UQCRC2: variants seen among roughly 807,000 people sequenced by gnomAD.
UQCRC2 encodes the protein cytochrome b-c1 complex subunit 2, mitochondrial.
A neutral mutation model predicts 55.6 loss-of-function variants in UQCRC2; 49 were observed. That is an observed-to-expected ratio of 0.88 (90% CI 0.70 to 1.12). The LOEUF (loss-of-function observed/expected upper bound fraction) is 1.12, where lower values mean the gene tolerates loss of function less well. Ranked by LOEUF, UQCRC2 falls within the 50% of genes most tolerant of loss-of-function variation. UQCRC2 has a pLI of 0.00. For synonymous variants in UQCRC2, 193 were observed against 192.0 expected, an observed-to-expected ratio of 1.01 and a Z score of -0.04; for missense variants, 506 against 547.8, an observed-to-expected ratio of 0.92 and a Z score of 0.76.
chr16:21,970,644 G>A (rs1179804422), intron 8 of UQCRC2, among the ~76,000 whole-genome samples: 4 of 152,090 alleles, frequency 2.6e-5, no homozygotes, highest in Non-Finnish European at 5.9e-5. Context: ...GGAGTGCAGT[G>A]GCGCAATCTC....
At chr16:21,974,125 C>T in intron 11 of UQCRC2, 149 bp downstream of exon 11, 1 of 670,798 alleles carries the variant, frequency 1.5e-6, no homozygotes. Flanking sequence ...GAAGCATTAT[C>T]TGCTATAGGG....
At chr16:21,959,553 A>T (rs989499233) in intron 4 of UQCRC2, 1 of 153,948 alleles carries the variant, frequency 6.5e-6, no homozygotes, top group African/African-American at 2.4e-5. Context: ...GTCATCCATA[A>T]GGGTTGGAAT....
At chr16:21,964,093 G>A (rs1898268166) in intron 6 of UQCRC2, among the ~76,000 whole-genome samples, 1 of 152,122 alleles carries the variant, frequency 6.6e-6, no homozygotes, top group South Asian at 2.1e-4. Flanking sequence ...CAACTCAGTG[G>A]TTCAGCATGG....
intron 7 of UQCRC2, 53 bp downstream of exon 7, chr16:21,965,558 A>G (rs748008699): frequency 7.4e-7 from 1 of 1,357,308 alleles, no homozygotes; most frequent in Non-Finnish European, 9.9e-7. Context: ...TAAATTGAAC[A>G]TCTCCCATTT....
chr16:21,980,456 A>G (rs1255035271), intron 12 of UQCRC2, 91 bp from the exon 13 acceptor site: 1 of 1,375,640 alleles, frequency 7.3e-7, no homozygotes, highest in Non-Finnish European at 1.0e-6. Context: ...CATTAAATAA[A>G]GCTTTGATGT....
chr16:21,973,485 T>G (rs1293673315), intron 10 of UQCRC2, among the ~76,000 whole-genome samples: 1 of 152,138 alleles, frequency 6.6e-6, no homozygotes, highest in Non-Finnish European at 1.5e-5. Context: ...CTTTCTGACA[T>G]GAGTGTATAA....
chr16:21,981,422 C>T (rs974720898), intron 13 of UQCRC2, among the ~76,000 whole-genome samples: 9 of 152,106 alleles, frequency 5.9e-5, no homozygotes, highest in Non-Finnish European at 1.2e-4. Flanking sequence ...TTCTCACCAA[C>T]AGGTCTACCT....
At chr16:21,962,002 T>C (rs1291294303) in intron 4 of UQCRC2, among the ~76,000 whole-genome samples, 1 of 152,034 alleles carries the variant, frequency 6.6e-6, no homozygotes, top group Non-Finnish European at 1.5e-5. Context: ...TCAGCAACCA[T>C]CACCAACATT....
intron 13 of UQCRC2, among the ~76,000 whole-genome samples, chr16:21,981,920 A>C (rs538072458): frequency 6.7e-6 from 1 of 149,280 alleles, no homozygotes; most frequent in African/African-American, 2.5e-5. Context: ...GGCTCAGTAC[A>C]ACCTCCGCCT....
Position 21,976,231 on chromosome 16 carries a change from T to G in UQCRC2, c.1112T>G (p.Val371Gly), listed in dbSNP as rs1316463258. 15 of 1,613,500 alleles carry G rather than the reference T, an allele frequency of 9.3e-6. No homozygotes were observed. The highest frequency in any genetic ancestry group is 1.3e-5 in the Non-Finnish European group (15 of 1,179,538). ...IAQGNLSNTD[V>G]QAAKNKLKAG... ...CAAGGAAACCTTTCCAACACAGATG[T>G]CCAAGCTGCCAAGTAAGTCTCAGTA... Residue 371 changes from valine to glycine, a missense_variant, in exon 12 of 14, where the codon GTC becomes GGC. Val to Gly is a moderately radical substitution (Grantham distance 109). Coordinates refer to ENST00000268379, the MANE Select transcript of UQCRC2 (RefSeq NM_003366.4).
Position 21,962,478 on chromosome 16 carries a change from A to G in UQCRC2, c.351A>G (p.Glu117=). The G allele has an allele frequency of 6.2e-7, 1 of 1,614,198 alleles. No homozygotes were observed. Among genetic ancestry groups the G allele is most frequent in the Non-Finnish European group, 8.5e-7 (1 of 1,180,024 alleles). The change falls in exon 5 of 14, where the codon GAA becomes GAG. Residue 117 remains glutamate, a synonymous_variant. Coordinates refer to ENST00000268379, the MANE Select transcript of UQCRC2 (RefSeq NM_003366.4). Reference sequence around the variant, plus strand: ...GATTCAGTGTGACCGCAACAAGGGAAAACATGGCTTATACTGTGGAATGCC... The same window carrying G: ...GATTCAGTGTGACCGCAACAAGGGAGAACATGGCTTATACTGTGGAATGCC... ...GGKLSVTATR[E]NMAYTVECLR...
chr16:21,972,123 G>T lies in UQCRC2; in HGVS notation c.966+1G>T. 6.2e-7 allele frequency: 1 copy of T among 1,612,290 alleles called. No individual in the cohort carries two copies. Among genetic ancestry groups the T allele is most frequent in the Middle Eastern group, 1.7e-4 (1 of 6,058 alleles). ...CAAGGCAACTCAGCAGCCATTTGAT[G>T]TGAGTCTGAACAGTTGGTATCTCTC... is the stretch of plus-strand genomic sequence containing the variant. On this transcript the variant is annotated splice_donor_variant, in intron 10 of 13. Transcript: ENST00000268379. LOFTEE classifies it high-confidence loss of function.
intron 13 of UQCRC2, among the ~76,000 whole-genome samples, chr16:21,981,605 A>C (rs1275073460): frequency 6.6e-6 from 1 of 151,886 alleles, no homozygotes; most frequent in East Asian, 2.0e-4. Flanking sequence ...AAGTACAAAA[A>C]TTAGCTAGGC....
chr16:21,965,522 T>C lies in UQCRC2; in HGVS notation c.612+17T>C, dbSNP rs755262467. The stretch of plus-strand genomic sequence containing the variant: ...TCAGAGGAGGTACCAATAAAACATA[T>C]TTTGAAATGTGCTTGTTTTTCACAT... On this transcript the variant is annotated intron_variant, in intron 7 of 13. Transcript: ENST00000268379. 3 of 1,528,430 alleles carry C rather than the reference T, an allele frequency of 2.0e-6. No individual in the cohort carries two copies. Among genetic ancestry groups the C allele is most frequent in the Non-Finnish European group, 2.6e-6 (3 of 1,135,712 alleles). The allele number at this position is 1,528,430 out of a possible 1,614,324, so 94.7% of individuals were successfully genotyped here.
Position 21,962,841 on chromosome 16 carries a change from A to G in UQCRC2, c.470A>G (p.Gln157Arg). 1 of 1,614,144 alleles carries G rather than the reference A, an allele frequency of 6.2e-7. No homozygotes were observed. The highest frequency in any genetic ancestry group is 8.5e-7 in the Non-Finnish European group (1 of 1,180,012). The change falls in exon 6 of 14, where the codon CAG becomes CGG. Residue 157 changes from glutamine (Q) to arginine (R), a missense_variant. Gln to Arg is a conservative substitution (Grantham distance 43). Coordinates refer to ENST00000268379, the MANE Select transcript of UQCRC2 (RefSeq NM_003366.4). The stretch of plus-strand genomic sequence containing the variant: ...TGGGAAGTAGCTGACCTTCAGCCTC[A>G]GCTAAAGATTGACAAAGCTGTGGCC... ...RRWEVADLQP[Q>R]LKIDKAVAFQ...
intron 6 of UQCRC2, among the ~76,000 whole-genome samples, chr16:21,964,311 T>G (rs1898273964): frequency 1.3e-5 from 2 of 152,222 alleles, no homozygotes; most frequent in South Asian, 4.1e-4. Flanking sequence ...CTATTCTGCC[T>G]GAACAGTTAC....
chr16:21,971,647 A>G (rs1405042308), intron 9 of UQCRC2, 27 bp downstream of exon 9: 3 of 1,605,116 alleles, frequency 1.9e-6, no homozygotes, highest in Non-Finnish European at 8.5e-7. Context: ...ATTAGGGTTA[A>G]TTTATCAGAA....
In UQCRC2 at chr16:21,983,004, C is replaced by CT. The variant is rs1206781126; in HGVS notation, c.1279-82dup. 3.3e-6 allele frequency: 3 copies of CT among 908,464 alleles called. No individual in the cohort carries two copies. In the East Asian group the frequency reaches 8.5e-5, roughly 26 times the overall value. 56.3% of individuals were successfully genotyped at this position (908,464 alleles called of 1,614,324 possible). On this transcript the variant is annotated intron_variant, in intron 13 of 13. Coordinates refer to ENST00000268379, the MANE Select transcript of UQCRC2 (RefSeq NM_003366.4). ...AAAAAGAATGTCCTATCCATAAATTCTTGAAATGACAAAATAAGTTCGCCT... is the reference window on the plus strand; with the variant it reads ...AAAAAGAATGTCCTATCCATAAATTCTTTGAAATGACAAAATAAGTTCGCCT...
At chr16:21,973,282 A>G (rs978214777) in intron 10 of UQCRC2, among the ~76,000 whole-genome samples, 5 of 152,180 alleles carry the variant, frequency 3.3e-5, no homozygotes, top group Non-Finnish European at 7.3e-5. Flanking sequence ...TGGGAATCTG[A>G]AAGTTTGTAT....
Sources: gnomAD v4.1 joint callset for allele counts (sites outside exome capture counted in the v4.1 genomes callset) on GRCh38, gnomAD v4.1.1 for gene constraint, MANE v1.5 for transcripts, NCBI Gene and HGNC (gene_info 2026-07-23, HGNC 2026-07-21) for gene names.